CAMK2A: variants seen among roughly 807,000 people sequenced by gnomAD.
CAMK2A encodes calcium/calmodulin dependent protein kinase II alpha, also known as calcium/calmodulin-dependent protein kinase type II subunit alpha.
In CAMK2A, 7 loss-of-function variants were observed where a neutral mutation model predicts 79.2. The ratio of observed to expected loss-of-function variants is 0.09; its 90% CI spans 0.05 to 0.17. The LOEUF (loss-of-function observed/expected upper bound fraction) is 0.17. CAMK2A is among the 10% of genes least tolerant of loss of function. CAMK2A has a pLI of 1.00. For synonymous variants in CAMK2A, 242 were observed against 251.7 expected, an observed-to-expected ratio of 0.96 and a Z score of 0.36; for missense variants, 214 against 646.4, an observed-to-expected ratio of 0.33 and a Z score of 7.25.
At position 150,256,969 on chromosome 5, in the gene CAMK2A, G is replaced by A. The variant is rs984054946; in HGVS notation, c.273-138C>T. 16 of 645,944 alleles carry A rather than the reference G, an allele frequency of 2.5e-5. No homozygotes were observed. The African/African-American group carries it at 2.9e-4, about 12-fold the overall frequency. The allele number at this position is 645,944 out of a possible 1,614,324, so 40.0% of individuals were successfully genotyped here. On this transcript the variant is annotated intron_variant, in intron 4 of 18. Coordinates refer to ENST00000671881, the MANE Select transcript of CAMK2A (RefSeq NM_015981.4). The surrounding 1 kb of genome is among the most constrained non-coding windows in gnomAD (Gnocchi z 4.6). ...CAAAAGGAGGGGCCCCAGGGTCACG[G>A]GGGTGTCCCCTGCTGCAATGCCCTT... is the stretch of plus-strand genomic sequence containing the variant.
chr5:150,263,185 A>G lies in CAMK2A; in HGVS notation c.217+1771T>C, dbSNP rs572391334. 2.0e-5 allele frequency among the ~76,000 whole-genome samples: 3 copies of G among 152,314 alleles called. No homozygotes were observed. The East Asian group carries it at 5.8e-4, about 29-fold the overall frequency. ...CATGTCCAGGGTCACACAGCAATGA[A>G]GCAGCAAACTCAGGATTTGAGCTGT... is the stretch of plus-strand genomic sequence containing the variant. On this transcript the variant is annotated intron_variant, in intron 3 of 18. Coordinates refer to ENST00000671881, the MANE Select transcript of CAMK2A (RefSeq NM_015981.4).
intron 3 of CAMK2A, among the ~76,000 whole-genome samples, chr5:150,264,498 TGCA>T: frequency 6.6e-6 from 1 of 152,228 alleles, no homozygotes; most frequent in East Asian, 1.9e-4. Context: ...AGCCTCTCCA[TGCA>T]GCCTGTGCCC....
At chr5:150,286,067 C>T (rs1284837606) in intron 1 of CAMK2A, among the ~76,000 whole-genome samples, 1 of 152,180 alleles carries the variant, frequency 6.6e-6, no homozygotes, top group Non-Finnish European at 1.5e-5. Flanking sequence ...GGCCTGACCA[C>T]TTCAGTCCAC....
chr5:150,263,723 A>G (rs149595325), intron 3 of CAMK2A, among the ~76,000 whole-genome samples: 95 of 152,320 alleles, frequency 6.2e-4, no homozygotes, highest in African/African-American at 2.2e-3. Flanking sequence ...CGTAAGGACC[A>G]TAAGATCTTA....
chr5:150,251,197 A>G (rs1369365691), intron 9 of CAMK2A, among the ~76,000 whole-genome samples: 1 of 152,238 alleles, frequency 6.6e-6, no homozygotes, highest in Non-Finnish European at 1.5e-5. Context: ...AATTAAATAC[A>G]ATATAAAACA....
intron 8 of CAMK2A, 29 bp downstream of exon 8, chr5:150,251,953 G>A (rs754251502): frequency 3.7e-6 from 6 of 1,603,358 alleles, no homozygotes; most frequent in East Asian, 2.2e-5. Flanking sequence ...TGCAGCCAGG[G>A]GCACAAAAGG....
chr5:150,225,041 GGAGAGAGA>G lies in CAMK2A; in HGVS notation c.1238-1832_1238-1825del, dbSNP rs58360121. On this transcript the variant is annotated intron_variant, in intron 17 of 18. Transcript: ENST00000671881. ...GCCAGTCTCATAACCTGGTAGGTAG[GGAGAGAGA>G]GAGAGAGAGAGAGAGAGAGAGAGAA... is the stretch of plus-strand genomic sequence containing the variant. Among the ~76,000 whole-genome samples, 167 of 108,938 alleles carry G rather than the reference GGAGAGAGA, an allele frequency of 1.5e-3. 1 individual carries two copies. The highest frequency in any genetic ancestry group is 5.7e-3 in the African/African-American group (142 of 24,876). 71.5% of individuals were successfully genotyped at this position (108,938 alleles called of 152,430 possible).
rs373698136 is a variant in CAMK2A at position 150,238,760 on chromosome 5, A to C, written c.1018-12T>G. Reference sequence around the variant, plus strand: ...CTCTCTGAGGATTCCTGCCAAAGAGAATACAGGAGATGGTGAGGCCTGCCT... The same window carrying C: ...CTCTCTGAGGATTCCTGCCAAAGAGCATACAGGAGATGGTGAGGCCTGCCT... On this transcript the variant is annotated splice_polypyrimidine_tract_variant and intron_variant, in intron 14 of 18. Coordinates refer to ENST00000671881, the MANE Select transcript of CAMK2A (RefSeq NM_015981.4). The C allele has an allele frequency of 8.6e-5, 138 of 1,597,134 alleles. No homozygotes were observed. The African/African-American group carries it at 1.6e-3, about 19-fold the overall frequency.
intron 18 of CAMK2A, 69 bp from the exon 19 acceptor site, chr5:150,222,782 C>A: frequency 1.3e-6 from 2 of 1,594,024 alleles, no homozygotes; most frequent in Non-Finnish European, 1.7e-6. Context: ...CCCACCCTGC[C>A]GCTTTAGATG....
intron 7 of CAMK2A, among the ~76,000 whole-genome samples, chr5:150,253,206 G>C (rs1265719704): frequency 1.3e-5 from 2 of 152,162 alleles, no homozygotes; most frequent in Non-Finnish European, 2.9e-5. Flanking sequence ...AAAGGAGAGA[G>C]GGGGCCCCAG....
intron 1 of CAMK2A, among the ~76,000 whole-genome samples, chr5:150,278,660 C>T (rs1373653389): frequency 6.6e-6 from 1 of 151,724 alleles, no homozygotes; most frequent in Non-Finnish European, 1.5e-5. Context: ...TGGCCATGGG[C>T]AGTCCTGGAA....
chr5:150,254,559 C>G (rs1020859150), intron 6 of CAMK2A, among the ~76,000 whole-genome samples: 3 of 152,166 alleles, frequency 2.0e-5, no homozygotes, highest in African/African-American at 7.2e-5. Flanking sequence ...GGTCCCACAC[C>G]TGGCCTCTGG....
At chr5:150,232,482 T>C (rs1022001695) in intron 15 of CAMK2A, among the ~76,000 whole-genome samples, 1 of 152,168 alleles carries the variant, frequency 6.6e-6, no homozygotes, top group Non-Finnish European at 1.5e-5. Flanking sequence ...TGACTGAGCC[T>C]CAGTGATGGA....
At chr5:150,230,675 C>G (rs897866227) in intron 16 of CAMK2A, among the ~76,000 whole-genome samples, 1 of 152,256 alleles carries the variant, frequency 6.6e-6, no homozygotes, top group African/African-American at 2.4e-5. Flanking sequence ...GTGAACAGCA[C>G]AGGGTGCTCT....
intron 2 of CAMK2A, among the ~76,000 whole-genome samples, chr5:150,272,724 T>A (rs977714039): frequency 6.6e-6 from 1 of 151,602 alleles, no homozygotes; most frequent in African/African-American, 2.4e-5. Flanking sequence ...GAGATGGCGT[T>A]CAGGCAGAGG....
At chr5:150,227,420 T>A (rs902570391) in intron 17 of CAMK2A, among the ~76,000 whole-genome samples, 1 of 152,118 alleles carries the variant, frequency 6.6e-6, no homozygotes, top group Admixed American at 6.5e-5. Context: ...CTGTGTAGCC[T>A]CAGTGGTACA....
intron 4 of CAMK2A, among the ~76,000 whole-genome samples, chr5:150,257,173 T>TA (rs983613877): frequency 6.2e-4 from 95 of 152,326 alleles, no homozygotes; most frequent in African/African-American, 2.1e-3. Flanking sequence ...GGCTATTTTT[T>TA]ATCGATGAGA....
At chr5:150,237,490 G>A (rs2114037894) in intron 15 of CAMK2A, among the ~76,000 whole-genome samples, 1 of 152,154 alleles carries the variant, frequency 6.6e-6, no homozygotes, top group African/African-American at 2.4e-5. Flanking sequence ...AGGATTTGGT[G>A]TCCCCAGGGC....
intron 11 of CAMK2A, among the ~76,000 whole-genome samples, chr5:150,249,739 G>C (rs975145683): frequency 1.3e-5 from 2 of 152,052 alleles, no homozygotes; most frequent in Non-Finnish European, 2.9e-5. Context: ...GTAGAGACAG[G>C]GTTTCACCTC....
Sources: allele counts gnomAD v4.1 joint callset (sites outside exome capture counted in the v4.1 genomes callset), GRCh38; gene constraint gnomAD v4.1.1; non-coding constraint Gnocchi (gnomAD v3.1); transcripts MANE v1.5; gene names NCBI Gene and HGNC (gene_info 2026-07-23, HGNC 2026-07-21).